The following GRHL2 variants were observed in gnomAD, a reference collection of about 807,000 sequenced individuals.
GRHL2 encodes grainyhead like transcription factor 2.
In GRHL2, 21 loss-of-function variants were observed where a neutral mutation model predicts 83.8. The ratio of observed to expected loss-of-function variants is 0.25; its 90% confidence interval spans 0.18 to 0.36. GRHL2 has a LOEUF of 0.36. Among genes scored for constraint, GRHL2 ranks in the 10% least tolerant of loss-of-function variants. The pLI is 1.00. For synonymous variants in GRHL2, 280 were observed against 278.9 expected (o/e 1.00, Z -0.04); for missense variants, 623 against 781.8 (o/e 0.80, Z 2.42).
chr8:101,613,950 A>G (rs1361596215), intron 8 of GRHL2, among the ~76,000 whole-genome samples: 1 of 151,078 alleles, frequency 6.6e-6, no homozygotes, highest in East Asian at 1.9e-4. Context: ...AGAGGAAAAT[A>G]AATACATTGT....
intron 4 of GRHL2, among the ~76,000 whole-genome samples, chr8:101,560,290 A>C (rs1188186029): frequency 6.6e-6 from 1 of 152,148 alleles, no homozygotes; most frequent in Non-Finnish European, 1.5e-5. Context: ...CGGCCTCCCG[A>C]AGTGCTGGGA....
chr8:101,568,116 G>A (rs1340336732), intron 4 of GRHL2, among the ~76,000 whole-genome samples: 1 of 152,162 alleles, frequency 6.6e-6, no homozygotes, highest in Non-Finnish European at 1.5e-5. Context: ...ACTATCCAAT[G>A]TTAGTCACTA....
intron 7 of GRHL2, among the ~76,000 whole-genome samples, chr8:101,592,837 G>A (rs1356414154): frequency 6.6e-6 from 1 of 152,140 alleles, no homozygotes; most frequent in African/African-American, 2.4e-5. Flanking sequence ...ACTTAGAGAG[G>A]ACCTTGAACA....
chr8:101,554,454 G>A (rs1811451383), intron 3 of GRHL2, among the ~76,000 whole-genome samples: 2 of 152,054 alleles, frequency 1.3e-5, no homozygotes. Context: ...TATCTCTTAG[G>A]ACAACATTAC....
At chr8:101,585,461 G>A (rs1473819228) in intron 7 of GRHL2, among the ~76,000 whole-genome samples, 2 of 152,198 alleles carry the variant, frequency 1.3e-5, no homozygotes, top group African/African-American at 4.8e-5. Context: ...TAAGGCTGTA[G>A]TTGGAGCTCA....
At chr8:101,655,277 G>C (rs528961762) in intron 14 of GRHL2, among the ~76,000 whole-genome samples, 1 of 152,318 alleles carries the variant, frequency 6.6e-6, no homozygotes, top group East Asian at 1.9e-4. Context: ...GGAGAGGGTA[G>C]ACTGGGGAAC....
At chr8:101,571,203 G>A (rs757909657) in intron 5 of GRHL2, among the ~76,000 whole-genome samples, 4 of 152,232 alleles carry the variant, frequency 2.6e-5, no homozygotes, top group Non-Finnish European at 5.9e-5. Flanking sequence ...GAGTAGGAAG[G>A]TGTGTGGGGT....
At chr8:101,568,742 A>C (rs1436054499) in intron 4 of GRHL2, among the ~76,000 whole-genome samples, 3 of 152,062 alleles carry the variant, frequency 2.0e-5, no homozygotes, top group Non-Finnish European at 4.4e-5. Context: ...CTGATTACCT[A>C]ATTTATTGCA....
At chr8:101,518,284 C>T (rs1810612861) in intron 1 of GRHL2, among the ~76,000 whole-genome samples, 1 of 152,172 alleles carries the variant, frequency 6.6e-6, no homozygotes, top group Non-Finnish European at 1.5e-5. Flanking sequence ...ATGGTGCATG[C>T]ACCTGTAATC....
chr8:101,661,562 T>C (rs1813922661), intron 14 of GRHL2, among the ~76,000 whole-genome samples: 1 of 152,264 alleles, frequency 6.6e-6, no homozygotes. Context: ...ATGCAAATAA[T>C]TGTTATACTG....
At chr8:101,652,442 T>TGTGTGGTGTGC (rs1813668774) in intron 14 of GRHL2, among the ~76,000 whole-genome samples, 1 of 100,770 alleles carries the variant, frequency 9.9e-6, no homozygotes, top group East Asian at 2.8e-4. Flanking sequence ...GTGTCTGGTG[T>TGTGTGGTGTGC]GTGTGGTGTG....
Position 101,619,674 on chromosome 8 carries a change from C to T in GRHL2, c.1234C>T (p.Gln412Ter). Residue 412 changes from glutamine (Q) to a stop codon, truncating the protein, a stop_gained, in exon 9 of 16, where the codon CAG (glutamine) becomes TAG (stop). Coordinates refer to ENST00000646743, the MANE Select transcript of GRHL2 (RefSeq NM_024915.4). LOFTEE classifies it high-confidence loss of function. ...SNKPIHRAYC[Q>*]IKVFCDKGAE... ...TAAACCCATTCATAGAGCTTATTGC[C>T]AGATCAAGGTCTTCTGTGACAAAGT... 6.2e-7 allele frequency: 1 copy of T among 1,612,584 alleles called. No individual in the cohort carries two copies. Among genetic ancestry groups the T allele is most frequent in the Non-Finnish European group, 8.5e-7 (1 of 1,178,786 alleles).
At chr8:101,597,115 G>T (rs1241762369) in intron 7 of GRHL2, among the ~76,000 whole-genome samples, 1 of 152,204 alleles carries the variant, frequency 6.6e-6, no homozygotes, top group Non-Finnish European at 1.5e-5. Flanking sequence ...TAGAGTTCTG[G>T]TGGGAGGCTG....
At chr8:101,615,765 A>G (rs113264857) in intron 8 of GRHL2, among the ~76,000 whole-genome samples, 149 of 152,208 alleles carry the variant, frequency 9.8e-4, no homozygotes, top group African/African-American at 3.4e-3. Flanking sequence ...TTCTCTCTCA[A>G]TCTTCCCTCT....
chr8:101,601,205 ACC>A (rs1812507104), intron 8 of GRHL2, among the ~76,000 whole-genome samples: 2 of 151,270 alleles, frequency 1.3e-5, no homozygotes, highest in Non-Finnish European at 2.9e-5. Context: ...CACCACCACC[ACC>A]ACCACCACCA....
chr8:101,500,118 AAACAAAAAACAAC>A (rs1010140339), intron 1 of GRHL2, among the ~76,000 whole-genome samples: 1 of 152,098 alleles, frequency 6.6e-6, no homozygotes, highest in African/African-American at 2.4e-5. Flanking sequence ...AAAAACAAAC[AAACAAAAAACAAC>A]AACAAAAAAA....
chr8:101,548,509 C>G (rs1009955859), intron 2 of GRHL2, among the ~76,000 whole-genome samples: 12 of 152,074 alleles, frequency 7.9e-5, no homozygotes, highest in Admixed American at 5.9e-4. Context: ...GAGAGAGAGA[C>G]AGAGAGTTGG....
At chr8:101,553,723 G>C (rs1446920208) in intron 3 of GRHL2, among the ~76,000 whole-genome samples, 1 of 150,502 alleles carries the variant, frequency 6.6e-6, no homozygotes, top group African/African-American at 2.5e-5. Context: ...CGCCTCCCAG[G>C]TTCAAGCTAT....
chr8:101,529,236 C>A, intron 1 of GRHL2: 1 of 223,970 alleles, frequency 4.5e-6, no homozygotes, highest in South Asian at 5.7e-5. Context: ...AGTTCGAGAC[C>A]AGCCTGGCCA....
Sources: allele counts gnomAD v4.1 joint callset (sites outside exome capture counted in the v4.1 genomes callset), GRCh38; gene constraint gnomAD v4.1.1; transcripts MANE v1.5; gene names NCBI Gene and HGNC (gene_info 2026-07-23, HGNC 2026-07-21).